TNS3: variants seen among roughly 807,000 people sequenced by gnomAD.
The protein encoded by TNS3 is tensin-3.
Under a neutral mutation model 140.9 loss-of-function variants are expected in TNS3, and 45 were observed. That is an observed-to-expected ratio of 0.32 (90% CI 0.25 to 0.41). The LOEUF is 0.41. Ranked by LOEUF, TNS3 falls within the 10% of genes least tolerant of loss-of-function variation. TNS3 has a pLI of 1.00. For synonymous variants in TNS3, 815 were observed against 788.4 expected (o/e 1.03, Z -0.56); for missense variants, 1,716 against 1,906.7 (o/e 0.90, Z 1.86).
intron 3 of TNS3, among the ~76,000 whole-genome samples, chr7:47,506,230 G>A (rs1798413578): frequency 6.6e-6 from 1 of 152,178 alleles, no homozygotes; most frequent in South Asian, 2.1e-4. Flanking sequence ...ACCATCCCCA[G>A]GAGATCTGAA....
At chr7:47,541,090 T>C (rs1354744393) in intron 1 of TNS3, among the ~76,000 whole-genome samples, 1 of 151,996 alleles carries the variant, frequency 6.6e-6, no homozygotes, top group Non-Finnish European at 1.5e-5. Context: ...GAAACACAGA[T>C]AAATGTACAG....
At chr7:47,332,112 T>C (rs1788375050) in intron 20 of TNS3, among the ~76,000 whole-genome samples, 1 of 152,326 alleles carries the variant, frequency 6.6e-6, no homozygotes, top group Middle Eastern at 3.4e-3. Flanking sequence ...TGGGTGCATT[T>C]TGGCCAGGAA....
chr7:47,409,090 G>T (rs1009104512), intron 13 of TNS3, among the ~76,000 whole-genome samples: 1 of 152,080 alleles, frequency 6.6e-6, no homozygotes, highest in Non-Finnish European at 1.5e-5. Context: ...AGGGGCCACA[G>T]AAAATAATGA....
intron 1 of TNS3, among the ~76,000 whole-genome samples, chr7:47,575,333 C>T (rs1800650418): frequency 1.3e-5 from 2 of 152,106 alleles, no homozygotes; most frequent in African/African-American, 4.8e-5. Flanking sequence ...ATGATCTCAG[C>T]TTGGTAAATT....
upstream of TNS3, chr7:47,582,451 G>C (rs745997894): frequency 6.6e-6 from 3 of 456,518 alleles, no homozygotes; most frequent in African/African-American, 2.0e-5. Flanking sequence ...TCGGATCCTG[G>C]TTCCTGCACA....
At chr7:47,546,103 C>A (rs923012669) in intron 1 of TNS3, among the ~76,000 whole-genome samples, 1 of 152,186 alleles carries the variant, frequency 6.6e-6, no homozygotes, top group African/African-American at 2.4e-5. Flanking sequence ...CTGAGGTGGT[C>A]CAGAGAGCTG....
chr7:47,336,596 C>T (rs752092979), intron 20 of TNS3, among the ~76,000 whole-genome samples: 1 of 152,170 alleles, frequency 6.6e-6, no homozygotes, highest in Non-Finnish European at 1.5e-5. Context: ...CAGAAGCTGG[C>T]CCCAGCTGGC....
chr7:47,486,740 A>G (rs981171058), intron 3 of TNS3, among the ~76,000 whole-genome samples: 3 of 152,214 alleles, frequency 2.0e-5, no homozygotes, highest in Admixed American at 2.0e-4. Context: ...GATGAACACA[A>G]TAAAACTCCA....
At chr7:47,485,025 A>C (rs1385340940) in intron 3 of TNS3, among the ~76,000 whole-genome samples, 1 of 152,204 alleles carries the variant, frequency 6.6e-6, no homozygotes, top group African/African-American at 2.4e-5. Flanking sequence ...GCATCCCCTG[A>C]GACCGTCCTG....
intron 27 of TNS3, among the ~76,000 whole-genome samples, chr7:47,287,168 T>G (rs1785465413): frequency 6.6e-6 from 1 of 152,180 alleles, no homozygotes; most frequent in Non-Finnish European, 1.5e-5. Flanking sequence ...CTGGGAAATC[T>G]ATTAGAAGGC....
chr7:47,574,356 G>C (rs1423494563), intron 1 of TNS3, among the ~76,000 whole-genome samples: 1 of 151,820 alleles, frequency 6.6e-6, no homozygotes, highest in Non-Finnish European at 1.5e-5. Context: ...TTTCCTGCAG[G>C]CCTGGTTTTT....
intron 1 of TNS3, among the ~76,000 whole-genome samples, chr7:47,540,384 G>A (rs1345093173): frequency 6.6e-6 from 1 of 152,172 alleles, no homozygotes; most frequent in East Asian, 1.9e-4. Context: ...TGGAAACCCA[G>A]CTGGAACTAG....
intron 4 of TNS3, among the ~76,000 whole-genome samples, chr7:47,456,073 A>ACT (rs1796233417): frequency 6.6e-6 from 1 of 152,222 alleles, no homozygotes; most frequent in Non-Finnish European, 1.5e-5. Flanking sequence ...GAGTGACACA[A>ACT]TCTCAATTGT....
rs528967562 is a variant in TNS3, at chr7:47,355,026, C to A, written c.2282-8670G>T. 1.0e-3 allele frequency among the ~76,000 whole-genome samples: 154 copies of A among 152,102 alleles called. 1 individual carries two copies. Among genetic ancestry groups the A allele is most frequent in the African/African-American group, 3.6e-3 (148 of 41,432 alleles). ...TTGAGTATAAAATGGGACACATGCC[C>A]CAAAGTCCCCTACACTGCCACTCCC... is the stretch of plus-strand genomic sequence containing the variant. On this transcript the variant is annotated intron_variant, in intron 17 of 30. Transcript: ENST00000311160.
intron 1 of TNS3, among the ~76,000 whole-genome samples, chr7:47,568,645 G>T (rs1800482740): frequency 6.6e-6 from 1 of 152,240 alleles, no homozygotes; most frequent in Admixed American, 6.5e-5. Flanking sequence ...TCTGCGGTGT[G>T]CATCTTCTAT....
intron 16 of TNS3, among the ~76,000 whole-genome samples, chr7:47,385,164 C>T (rs1455453336): frequency 4.6e-5 from 7 of 152,202 alleles, no homozygotes; most frequent in Admixed American, 4.6e-4. Context: ...TGGACACACT[C>T]ATGGTGCTCT....
At chr7:47,572,277 A>G (rs1800575009) in intron 1 of TNS3, among the ~76,000 whole-genome samples, 1 of 152,244 alleles carries the variant, frequency 6.6e-6, no homozygotes, top group South Asian at 2.1e-4. Context: ...TGACACCCAG[A>G]GACCGGCAAC....
At chr7:47,452,664 T>A (rs1317521078) in intron 4 of TNS3, among the ~76,000 whole-genome samples, 1 of 152,154 alleles carries the variant, frequency 6.6e-6, no homozygotes, top group African/African-American at 2.4e-5. Context: ...CACAGAGATG[T>A]CAGCATTTCC....
intron 20 of TNS3, among the ~76,000 whole-genome samples, chr7:47,341,911 C>T (rs958938053): frequency 6.6e-6 from 1 of 151,980 alleles, no homozygotes; most frequent in African/African-American, 2.4e-5. Flanking sequence ...ATATTTTATC[C>T]TCATTTTCAT....
Sources: gnomAD v4.1 joint callset for allele counts (sites outside exome capture counted in the v4.1 genomes callset) on GRCh38, gnomAD v4.1.1 for gene constraint, MANE v1.5 for transcripts, NCBI Gene and HGNC (gene_info 2026-07-23, HGNC 2026-07-21) for gene names.